Variants in PTPRG observed in about 807,000 individuals in gnomAD.
The protein encoded by PTPRG is protein tyrosine phosphatase receptor type G.
A neutral mutation model predicts 165.3 loss-of-function variants in PTPRG; 102 were observed. The ratio of observed to expected loss-of-function variants is 0.62; its 90% CI spans 0.53 to 0.73. PTPRG has a LOEUF of 0.73. Among genes scored for constraint, PTPRG ranks in the 30% least tolerant of loss-of-function variants. The pLI is 0.00. For synonymous variants in PTPRG, 675 were observed against 669.5 expected, an observed-to-expected ratio of 1.01 and a Z score of -0.13; for missense variants, 1,866 against 1,861.4, an observed-to-expected ratio of 1.00 and a Z score of -0.05.
At chr3:62,084,840 A>G (rs771972580) in intron 5 of PTPRG, among the ~76,000 whole-genome samples, 13 of 152,218 alleles carry the variant, frequency 8.5e-5, no homozygotes, top group Non-Finnish European at 1.6e-4. Context: ...CTGTGAGATC[A>G]TTGAGGCTTG....
Position 61,662,171 on chromosome 3 carries a change from C to G in PTPRG, c.86-86707C>G, listed in dbSNP as rs114838629. Among the ~76,000 whole-genome samples the G allele has an allele frequency of 4.9e-3, 739 of 152,292 alleles. 5 individuals are homozygous for G. The highest frequency in any genetic ancestry group is 0.017 in the African/African-American group (715 of 41,570). On this transcript the variant is annotated intron_variant, in intron 1 of 29. Coordinates refer to ENST00000474889, the MANE Select transcript of PTPRG (RefSeq NM_002841.4). ...TGTCCACAAAATCTTTTTTCAGAAA[C>G]TGAGGTTTAATTGTCCTCCTATTGA...
intron 4 of PTPRG, among the ~76,000 whole-genome samples, chr3:62,032,644 A>G (rs1360604547): frequency 6.6e-6 from 1 of 152,202 alleles, no homozygotes; most frequent in East Asian, 1.9e-4. Flanking sequence ...TAAATTTGCC[A>G]TGATCGAGAC....
At chr3:62,165,912 G>A (rs2106726603) in intron 7 of PTPRG, among the ~76,000 whole-genome samples, 1 of 152,188 alleles carries the variant, frequency 6.6e-6, no homozygotes, top group South Asian at 2.1e-4. Flanking sequence ...TTAGTTCCAG[G>A]GTTCAGGATG....
chr3:61,763,195 T>C (rs1575643849), intron 2 of PTPRG, among the ~76,000 whole-genome samples: 1 of 152,078 alleles, frequency 6.6e-6, no homozygotes. Context: ...CCTGGAAATA[T>C]AGCCCGTGTG....
chr3:62,029,800 TTTATA>T (rs1266927863), intron 4 of PTPRG, among the ~76,000 whole-genome samples: 3 of 152,230 alleles, frequency 2.0e-5, no homozygotes, highest in African/African-American at 7.2e-5. Flanking sequence ...TATTTTAAAC[TTTATA>T]TTATAAGTAA....
intron 6 of PTPRG, among the ~76,000 whole-genome samples, chr3:62,149,820 T>C (rs1704260140): frequency 6.6e-6 from 1 of 152,228 alleles, no homozygotes; most frequent in South Asian, 2.1e-4. Context: ...TTCATAATTC[T>C]GAGCGGGATT....
chr3:61,837,270 A>G (rs1425051305), intron 2 of PTPRG, among the ~76,000 whole-genome samples: 2 of 152,198 alleles, frequency 1.3e-5, no homozygotes, highest in East Asian at 3.9e-4. Flanking sequence ...CTGGTCTCGA[A>G]CTCCTGACCT....
intron 5 of PTPRG, among the ~76,000 whole-genome samples, chr3:62,127,213 A>T (rs1315777325): frequency 1.3e-5 from 2 of 152,230 alleles, no homozygotes; most frequent in Admixed American, 1.3e-4. Flanking sequence ...AAATGCAAGG[A>T]TGCAAAATAA....
rs370255961 is a variant in PTPRG at position 61,998,314 on chromosome 3, G to T, written c.371-5035G>T. ...GGAGCCCCAGACATAGGGAGAATCTGGTGAAATCTGTGGATCCTTCCCTAG... is the reference window on the plus strand; with the variant it reads ...GGAGCCCCAGACATAGGGAGAATCTTGTGAAATCTGTGGATCCTTCCCTAG... On this transcript the variant is annotated intron_variant, in intron 3 of 29. Transcript: ENST00000474889. Among the ~76,000 whole-genome samples the T allele has an allele frequency of 2.1e-3, 317 of 152,264 alleles. 2 individuals carry two copies. Among genetic ancestry groups the T allele is most frequent in the Middle Eastern group, 6.8e-3 (2 of 294 alleles).
intron 1 of PTPRG, among the ~76,000 whole-genome samples, chr3:61,666,717 A>C (rs1394714011): frequency 1.3e-5 from 2 of 152,236 alleles, no homozygotes; most frequent in Non-Finnish European, 2.9e-5. Flanking sequence ...ATTACCCAGC[A>C]TCTGGGAGGA....
At chr3:61,618,983 A>T in intron 1 of PTPRG, among the ~76,000 whole-genome samples, 1 of 150,196 alleles carries the variant, frequency 6.7e-6, no homozygotes, top group East Asian at 1.9e-4. Flanking sequence ...CTCAAAAAAA[A>T]AAAAAAAAAA....
At chr3:61,677,020 G>A (rs545449194) in intron 1 of PTPRG, among the ~76,000 whole-genome samples, 1 of 152,256 alleles carries the variant, frequency 6.6e-6, no homozygotes, top group Admixed American at 6.5e-5. Flanking sequence ...GCTGAGGCGG[G>A]TGGATCACAA....
chr3:62,178,620 C>T (rs929278341), intron 8 of PTPRG, among the ~76,000 whole-genome samples: 4 of 152,218 alleles, frequency 2.6e-5, no homozygotes, highest in African/African-American at 9.6e-5. Flanking sequence ...CTTAAAGTGT[C>T]AGGCACTCGT....
At chr3:61,784,801 C>G (rs893931118) in intron 2 of PTPRG, among the ~76,000 whole-genome samples, 1 of 152,014 alleles carries the variant, frequency 6.6e-6, no homozygotes, top group Non-Finnish European at 1.5e-5. Flanking sequence ...TATCCTTGAC[C>G]TTTTTTGAAA....
At chr3:62,178,366 C>T (rs1005994912) in intron 8 of PTPRG, among the ~76,000 whole-genome samples, 2 of 152,198 alleles carry the variant, frequency 1.3e-5, no homozygotes, top group East Asian at 3.9e-4. Context: ...AGAGTTTGCA[C>T]AATTGGGACA....
intron 1 of PTPRG, among the ~76,000 whole-genome samples, chr3:61,683,384 G>A (rs143124906): frequency 6.6e-6 from 1 of 152,216 alleles, no homozygotes; most frequent in African/African-American, 2.4e-5. Flanking sequence ...CCTAGAAATA[G>A]TAGTCAATTC....
chr3:61,751,566 A>G (rs2033430875), intron 2 of PTPRG, among the ~76,000 whole-genome samples: 1 of 152,194 alleles, frequency 6.6e-6, no homozygotes, highest in South Asian at 2.1e-4. Flanking sequence ...CATATAGACA[A>G]ACCATAGTTC....
intron 1 of PTPRG, among the ~76,000 whole-genome samples, chr3:61,587,231 T>C (rs1020678693): frequency 3.9e-5 from 6 of 152,242 alleles, no homozygotes; most frequent in Non-Finnish European, 5.9e-5. Flanking sequence ...CTATCACTTA[T>C]AATTTGTCCT....
intron 2 of PTPRG, among the ~76,000 whole-genome samples, chr3:61,826,647 G>A (rs1350419232): frequency 6.6e-6 from 1 of 152,116 alleles, no homozygotes; most frequent in African/African-American, 2.4e-5. Flanking sequence ...CTGGAGCTAA[G>A]TATGATTTTT....
Sources: gnomAD v4.1 joint callset for allele counts (sites outside exome capture counted in the v4.1 genomes callset) on GRCh38, gnomAD v4.1.1 for gene constraint, MANE v1.5 for transcripts, NCBI Gene and HGNC (gene_info 2026-07-23, HGNC 2026-07-21) for gene names.